Variants in CHURC1 observed in about 807,000 individuals in gnomAD.
CHURC1 encodes the protein churchill domain containing 1.
In CHURC1, 12 loss-of-function variants were observed where a neutral mutation model predicts 15.4. The observed-to-expected ratio is 0.78, with a 90% CI of 0.50 to 1.27. The LOEUF (loss-of-function observed/expected upper bound fraction) is 1.27. Ranked by LOEUF, CHURC1 falls within the 50% of genes most tolerant of loss-of-function variation. CHURC1 has a pLI of 0.00. For synonymous variants in CHURC1, 42 were observed against 47.5 expected (o/e 0.88, Z 0.48); for missense variants, 132 against 137.8 (o/e 0.96, Z 0.21).
At chr14:64,920,236 A>G (rs1341493202) in intron 1 of CHURC1, among the ~76,000 whole-genome samples, 1 of 152,202 alleles carries the variant, frequency 6.6e-6, no homozygotes, top group Non-Finnish European at 1.5e-5. Flanking sequence ...GCACACTTGT[A>G]TACCTTTACA....
chr14:64,914,533 G>T lies in CHURC1; in HGVS notation c.38G>T (p.Arg13Leu). 2 of 1,614,204 alleles carry T rather than the reference G, an allele frequency of 1.2e-6. No individual in the cohort carries two copies. The highest frequency in any genetic ancestry group is 1.7e-6 in the Non-Finnish European group (2 of 1,180,008). The change falls in exon 1 of 4, where the codon CGG (arginine) becomes CTG (leucine). Residue 13 changes from arginine to leucine, a missense_variant and splice_region_variant. Physicochemically the swap from Arg to Leu is moderately radical, Grantham distance 102. Transcript: ENST00000549115. ...GDCVEKEYPN[R>L]GNTCLENGSF... ...TGTGTGGAGAAGGAATATCCCAACCGGGTGAGCGACTGGGCGCTCCCTTGG... is the reference window on the plus strand; with the variant it reads ...TGTGTGGAGAAGGAATATCCCAACCTGGTGAGCGACTGGGCGCTCCCTTGG...
chr14:64,934,452 A>G lies in CHURC1; in HGVS notation c.*2222A>G, dbSNP rs550419343. ...CCCCTCTCAGTAATTATGTTTGGCAAATATGAAATACAAGGATCTGGCAAG... is the reference window on the plus strand; with the variant it reads ...CCCCTCTCAGTAATTATGTTTGGCAGATATGAAATACAAGGATCTGGCAAG... On this transcript the variant is annotated 3_prime_UTR_variant, in exon 4 of 4. Coordinates refer to ENST00000549115, the MANE Select transcript of CHURC1 (RefSeq NM_001386928.1). 1.0e-5 allele frequency: 10 copies of G among 985,464 alleles called. No individual in the cohort carries two copies. The East Asian group carries it at 1.1e-3, about 112-fold the overall frequency. 61.0% of individuals were successfully genotyped at this position (985,464 alleles called of 1,614,324 possible).
chr14:64,932,660 T>C lies in CHURC1; in HGVS notation c.*430T>C, dbSNP rs957584308. The C allele has an allele frequency of 4.2e-5, 7 of 167,320 alleles. No individual in the cohort carries two copies. The highest frequency in any genetic ancestry group is 1.9e-4 in the South Asian group (1 of 5,172). 10.4% of individuals were successfully genotyped at this position (167,320 alleles called of 1,614,324 possible). A position where few individuals can be genotyped will look rare whatever the true frequency, so the allele number is the denominator to read the frequency against. On this transcript the variant is annotated 3_prime_UTR_variant, in exon 4 of 4. Transcript: ENST00000549115. ...TGAAATTAAAAAAAAAAAATCATAGTGATTGGGAGTATGTCAGCATGATCG... is the reference window on the plus strand; with the variant it reads ...TGAAATTAAAAAAAAAAAATCATAGCGATTGGGAGTATGTCAGCATGATCG...
At chr14:64,916,647 G>A (rs531290562) in intron 1 of CHURC1, among the ~76,000 whole-genome samples, 4 of 152,078 alleles carry the variant, frequency 2.6e-5, no homozygotes, top group Admixed American at 6.5e-5. Flanking sequence ...GCATGATCTC[G>A]GCTCACTGCA....
At chr14:64,923,961 GA>G in intron 1 of CHURC1, 29 bp from the exon 2 acceptor site, 1 of 1,486,560 alleles carries the variant, frequency 6.7e-7, no homozygotes, top group Non-Finnish European at 9.0e-7. Context: ...GAAATGTAAA[GA>G]AATTAAATTC....
At position 64,933,594 on chromosome 14, in the gene CHURC1, A is replaced by G. The variant is rs1555384238; in HGVS notation, c.*1364A>G. ...ATCACAGTATTGTTAGGAGATTTAA[A>G]TGAATTAGTGAATGTAAGATACTTT... On this transcript the variant is annotated 3_prime_UTR_variant, in exon 4 of 4. Coordinates refer to ENST00000549115, the MANE Select transcript of CHURC1 (RefSeq NM_001386928.1). 1 of 982,836 alleles carries G rather than the reference A, an allele frequency of 1.0e-6. No individual in the cohort carries two copies. The highest frequency in any genetic ancestry group is 1.2e-6 in the Non-Finnish European group (1 of 827,700). 60.9% of individuals were successfully genotyped at this position (982,836 alleles called of 1,614,324 possible).
rs1594907567 is a variant in CHURC1 at position 64,932,378 on chromosome 14, T to G, written c.*148T>G. ...CTTATTCTTTGAGGAAAAAAGGTAA[T>G]GTAGGAGCTCATTGTTCTCTAGAGC... is the stretch of plus-strand genomic sequence containing the variant. On this transcript the variant is annotated 3_prime_UTR_variant, in exon 4 of 4. Coordinates refer to ENST00000549115, the MANE Select transcript of CHURC1 (RefSeq NM_001386928.1). 1 of 1,419,246 alleles carries G rather than the reference T, an allele frequency of 7.0e-7. No individual in the cohort carries two copies. The highest frequency in any genetic ancestry group is 2.5e-5 in the East Asian group (1 of 39,294). 87.9% of individuals were successfully genotyped at this position (1,419,246 alleles called of 1,614,324 possible).
At chr14:64,928,360 G>C (rs754466303) in intron 3 of CHURC1, among the ~76,000 whole-genome samples, 1 of 152,136 alleles carries the variant, frequency 6.6e-6, no homozygotes, top group Non-Finnish European at 1.5e-5. Context: ...CGATCCTTCT[G>C]CCTCAACCCC....
chr14:64,921,326 AAG>A (rs1456541868), intron 1 of CHURC1, among the ~76,000 whole-genome samples: 2 of 152,194 alleles, frequency 1.3e-5, no homozygotes, highest in Admixed American at 6.5e-5. Context: ...TAAATTATAA[AAG>A]AAAAAATGTT....
intron 3 of CHURC1, among the ~76,000 whole-genome samples, chr14:64,928,222 C>A (rs537547912): frequency 6.6e-6 from 1 of 152,152 alleles, no homozygotes; most frequent in African/African-American, 2.4e-5. Flanking sequence ...GTAATCATTT[C>A]TTCTTCCTCT....
At chr14:64,916,036 ACATGGGACAGC>A (rs1883860383) in intron 1 of CHURC1, among the ~76,000 whole-genome samples, 1 of 152,210 alleles carries the variant, frequency 6.6e-6, no homozygotes, top group Non-Finnish European at 1.5e-5. Flanking sequence ...ATCCAGCAAT[ACATGGGACAGC>A]CACCACAACA....
At chr14:64,930,723 ACTC>A in intron 3 of CHURC1, 1 of 409,546 alleles carries the variant, frequency 2.4e-6, no homozygotes, top group South Asian at 1.8e-5. Flanking sequence ...TTGGTTGAAA[ACTC>A]AAGTATTTGT....
At chr14:64,919,111 A>G (rs1285807573) in intron 1 of CHURC1, among the ~76,000 whole-genome samples, 1 of 152,136 alleles carries the variant, frequency 6.6e-6, no homozygotes, top group African/African-American at 2.4e-5. Context: ...ATGGTGAACC[A>G]CATTTTTTTT....
chr14:64,932,959 G>C lies in CHURC1; in HGVS notation c.*729G>C, dbSNP rs1368248476. On this transcript the variant is annotated 3_prime_UTR_variant, in exon 4 of 4. Coordinates refer to ENST00000549115, the MANE Select transcript of CHURC1 (RefSeq NM_001386928.1). ...CAGTGGAGAAATCTGACAGACACCA[G>C]CTCAGCCAGGTGATTGAGGTTAACA... 1 of 152,260 alleles carries C rather than the reference G, an allele frequency of 6.6e-6. No homozygotes were observed. The highest frequency in any genetic ancestry group is 1.9e-4 in the East Asian group (1 of 5,194). The allele number at this position is 152,260 out of a possible 1,614,324, so 9.4% of individuals were successfully genotyped here.
At chr14:64,915,844 A>G (rs1364364353) in intron 1 of CHURC1, among the ~76,000 whole-genome samples, 2 of 152,258 alleles carry the variant, frequency 1.3e-5, no homozygotes, top group Admixed American at 6.5e-5. Flanking sequence ...TGATACATTC[A>G]TTAGAATGGA....
rs1885204804 is a variant in CHURC1, at chr14:64,933,829, G to A, written c.*1599G>A. 2.0e-6 allele frequency: 2 copies of A among 985,144 alleles called. No individual in the cohort carries two copies. 61.0% of individuals were successfully genotyped at this position (985,144 alleles called of 1,614,324 possible). A position where few individuals can be genotyped will look rare whatever the true frequency, so the allele number is the denominator to read the frequency against. ...AAAAGCTTTGTTGAATAACAGTAAT[G>A]ATGATAATATCTGAGCTTTATTAAG... is the stretch of plus-strand genomic sequence containing the variant. On this transcript the variant is annotated 3_prime_UTR_variant, in exon 4 of 4. Coordinates refer to ENST00000549115, the MANE Select transcript of CHURC1 (RefSeq NM_001386928.1).
At position 64,934,919 on chromosome 14, in the gene CHURC1, A is replaced by T. The variant is rs181526405; in HGVS notation, c.*2689A>T. On this transcript the variant is annotated 3_prime_UTR_variant, in exon 4 of 4. Coordinates refer to ENST00000549115, the MANE Select transcript of CHURC1 (RefSeq NM_001386928.1). The stretch of plus-strand genomic sequence containing the variant: ...TATATTTCATTATTGGTGAACCCAC[A>T]TTGTGCTGTGTTTTGTGATATTTTA... 11 of 984,584 alleles carry T rather than the reference A, an allele frequency of 1.1e-5. No homozygotes were observed. In the East Asian group the frequency reaches 1.2e-3, roughly 112 times the overall value. 61.0% of individuals were successfully genotyped at this position (984,584 alleles called of 1,614,324 possible).
intron 1 of CHURC1, among the ~76,000 whole-genome samples, chr14:64,921,824 C>T (rs1653938180): frequency 6.6e-6 from 1 of 152,150 alleles, no homozygotes; most frequent in Admixed American, 6.5e-5. Flanking sequence ...TGTATCCATC[C>T]AAGACTTGCA....
chr14:64,934,540 G>T lies in CHURC1; in HGVS notation c.*2310G>T, dbSNP rs1885238576. On this transcript the variant is annotated 3_prime_UTR_variant, in exon 4 of 4. Coordinates refer to ENST00000549115, the MANE Select transcript of CHURC1 (RefSeq NM_001386928.1). ...GAGGCATCTGGGCATGTCAGATGAAGATTTATTATTCAGAAAAGTTAAGTC... is the reference window on the plus strand; with the variant it reads ...GAGGCATCTGGGCATGTCAGATGAATATTTATTATTCAGAAAAGTTAAGTC... The T allele has an allele frequency of 1.0e-6, 1 of 985,308 alleles. No homozygotes were observed. The highest frequency in any genetic ancestry group is 1.7e-5 in the African/African-American group (1 of 57,230). The allele number at this position is 985,308 out of a possible 1,614,324, so 61.0% of individuals were successfully genotyped here.
Sources: allele counts gnomAD v4.1 joint callset (sites outside exome capture counted in the v4.1 genomes callset), GRCh38; gene constraint gnomAD v4.1.1; transcripts MANE v1.5; gene names NCBI Gene and HGNC (gene_info 2026-07-23, HGNC 2026-07-21).